KCNN2: variants seen among roughly 807,000 people sequenced by gnomAD.
KCNN2 encodes potassium calcium-activated channel subfamily N member 2, also known as small conductance calcium-activated potassium channel protein 2.
KCNN2 carries 24 observed loss-of-function variants against 55.5 expected under a neutral mutation model. The ratio of observed to expected loss-of-function variants is 0.43; its 90% CI spans 0.31 to 0.61. The LOEUF is 0.61. KCNN2 is among the 20% of genes least tolerant of loss of function. The pLI, the probability that KCNN2 is intolerant of heterozygous loss-of-function variation, is 0.08. For synonymous variants in KCNN2, 431 were observed against 336.1 expected (o/e 1.28, Z -3.09); for missense variants, 754 against 853.6 (o/e 0.88, Z 1.45).
intron 2 of KCNN2, among the ~76,000 whole-genome samples, chr5:114,249,093 A>G (rs559148127): frequency 7.3e-4 from 111 of 152,314 alleles, no homozygotes; most frequent in African/African-American, 2.6e-3. Flanking sequence ...AAGTTTCTGC[A>G]TAAAATAAAA....
At chr5:114,296,118 G>A (rs557340394) in intron 2 of KCNN2, among the ~76,000 whole-genome samples, 36 of 152,286 alleles carry the variant, frequency 2.4e-4, no homozygotes, top group African/African-American at 7.7e-4. Flanking sequence ...AAAGAACCTA[G>A]ATTAAGAGCT....
chr5:114,455,082 G>C (rs1321193750), intron 3 of KCNN2, among the ~76,000 whole-genome samples: 2 of 151,388 alleles, frequency 1.3e-5, no homozygotes, highest in East Asian at 3.9e-4. Flanking sequence ...TTTTCAATGT[G>C]TTACTTCAGT....
chr5:114,435,868 G>C (rs1759986412), intron 3 of KCNN2, among the ~76,000 whole-genome samples: 1 of 152,150 alleles, frequency 6.6e-6, no homozygotes, highest in Non-Finnish European at 1.5e-5. Flanking sequence ...TTATCTTCAA[G>C]AAGGCACAAT....
At chr5:114,085,973 A>C (rs936847142) in intron 1 of KCNN2, among the ~76,000 whole-genome samples, 4 of 152,126 alleles carry the variant, frequency 2.6e-5, no homozygotes, top group Non-Finnish European at 5.9e-5. Context: ...TTTTCAGCAT[A>C]AAATATCAGT....
At chr5:114,216,692 C>T (rs1166925818) in intron 1 of KCNN2, among the ~76,000 whole-genome samples, 1 of 152,038 alleles carries the variant, frequency 6.6e-6, no homozygotes, top group Non-Finnish European at 1.5e-5. Flanking sequence ...TCAAAACTTC[C>T]CCACTAAGAT....
chr5:114,441,812 G>A (rs1266534662), intron 3 of KCNN2, among the ~76,000 whole-genome samples: 1 of 152,052 alleles, frequency 6.6e-6, no homozygotes, highest in African/African-American at 2.4e-5. Context: ...CTTAGTAAAC[G>A]AGGCACTTGA....
chr5:114,307,119 G>GT (rs1431317865), intron 2 of KCNN2, among the ~76,000 whole-genome samples: 1 of 152,138 alleles, frequency 6.6e-6, no homozygotes, highest in Non-Finnish European at 1.5e-5. Context: ...GCAGTTATCT[G>GT]TAAGTGGCTT....
chr5:114,087,751 C>T (rs1258769340), intron 1 of KCNN2, among the ~76,000 whole-genome samples: 1 of 151,786 alleles, frequency 6.6e-6, no homozygotes, highest in Non-Finnish European at 1.5e-5. Flanking sequence ...ATTGTGTCTT[C>T]TCTCTTGGCT....
At chr5:114,452,517 A>G (rs115955893) in intron 3 of KCNN2, among the ~76,000 whole-genome samples, 147 of 152,264 alleles carry the variant, frequency 9.7e-4, no homozygotes, top group African/African-American at 3.4e-3. Flanking sequence ...TGCCTCCAAA[A>G]GTTTCTTTAC....
Position 114,435,780 on chromosome 5 carries a change from G to A in KCNN2, c.1638-27269G>A, listed in dbSNP as rs78446072. ...TAAGTGATAATCATTTTAAATTAAA[G>A]TCTTTTAATTTTATGTTTTTACATG... On this transcript the variant is annotated intron_variant, in intron 3 of 7. Coordinates refer to ENST00000673685, the MANE Select transcript of KCNN2 (RefSeq NM_021614.4). 4.3e-3 allele frequency among the ~76,000 whole-genome samples: 648 copies of A among 152,252 alleles called. 6 individuals carry two copies. Among genetic ancestry groups the A allele is most frequent in the African/African-American group, 0.015 (609 of 41,552 alleles).
Position 114,228,715 on chromosome 5 carries a change from C to T in KCNN2, c.-185+7150C>T, listed in dbSNP as rs552286361. ...TGTATTCATGATTTTCAGATTATGA[C>T]TTCTTCATAATTTTATTAGAAGTTG... On this transcript the variant is annotated intron_variant, in intron 2 of 10. Transcript: ENST00000512097. Among the ~76,000 whole-genome samples, 3 of 152,168 alleles carry T rather than the reference C, an allele frequency of 2.0e-5. No homozygotes were observed. The East Asian group carries it at 5.8e-4, about 29-fold the overall frequency.
At chr5:114,301,644 T>C (rs1156848812) in intron 2 of KCNN2, among the ~76,000 whole-genome samples, 1 of 152,146 alleles carries the variant, frequency 6.6e-6, no homozygotes, top group Non-Finnish European at 1.5e-5. Context: ...GCCAAACTAA[T>C]ATAACTTGCC....
chr5:114,362,723 A>C lies in KCNN2; in HGVS notation c.584A>C (p.Gln195Pro). 6.6e-7 allele frequency: 1 copy of C among 1,515,520 alleles called. No individual in the cohort carries two copies. The highest frequency in any genetic ancestry group is 1.4e-5 in the African/African-American group (1 of 72,632). 93.9% of individuals were successfully genotyped at this position (1,515,520 alleles called of 1,614,324 possible). A position where few individuals can be genotyped will look rare whatever the true frequency, so the allele number is the denominator to read the frequency against. Residue 195 changes from glutamine to proline, a missense_variant, in exon 1 of 8, where the codon CAG (glutamine) becomes CCG (proline). Gln to Pro is a moderately conservative substitution (Grantham distance 76). This residue lies in a region of KCNN2 where 381 missense variants were observed against 259.1 expected (regional missense o/e 1.47). Transcript: ENST00000673685. ...CACCACCCGCACCCGGCGCACCACC[A>C]GCACCACCAGCCCCAGGCGCGCCGC... ...HHHHPHPAHH[Q>P]HHQPQARRES...
intron 6 of KCNN2, among the ~76,000 whole-genome samples, chr5:114,488,787 A>T (rs1180107039): frequency 1.3e-5 from 2 of 152,178 alleles, no homozygotes; most frequent in Admixed American, 1.3e-4. Context: ...ACATTCATAC[A>T]GGAGGTCCAG....
chr5:114,468,809 T>C (rs1253967279), intron 4 of KCNN2, among the ~76,000 whole-genome samples: 2 of 152,202 alleles, frequency 1.3e-5, no homozygotes, highest in Non-Finnish European at 2.9e-5. Flanking sequence ...TGAAGGAATT[T>C]CTCTTTTTCA....
intron 1 of KCNN2, among the ~76,000 whole-genome samples, chr5:114,117,471 T>C (rs1751728810): frequency 6.6e-6 from 1 of 152,218 alleles, no homozygotes; most frequent in South Asian, 2.1e-4. Context: ...CACCAGTGCC[T>C]TGGGCCTCTG....
At chr5:114,494,035 T>A (rs1050689128) in intron 7 of KCNN2, among the ~76,000 whole-genome samples, 4 of 152,152 alleles carry the variant, frequency 2.6e-5, no homozygotes, top group Non-Finnish European at 5.9e-5. Flanking sequence ...ACATTAACAG[T>A]CTCCAAATTA....
At chr5:114,389,860 A>G (rs2150062793) in intron 2 of KCNN2, among the ~76,000 whole-genome samples, 1 of 152,292 alleles carries the variant, frequency 6.6e-6, no homozygotes, top group Non-Finnish European at 1.5e-5. Flanking sequence ...TTAGTGGGTA[A>G]GCATTTTTTT....
chr5:114,243,458 C>T (rs955981832), intron 2 of KCNN2, among the ~76,000 whole-genome samples: 1 of 144,892 alleles, frequency 6.9e-6, no homozygotes, highest in Non-Finnish European at 1.5e-5. Context: ...CCCCATCTTG[C>T]CCCGTACCTG....
Sources: allele counts gnomAD v4.1 joint callset (sites outside exome capture counted in the v4.1 genomes callset), GRCh38; gene constraint gnomAD v4.1.1; regional missense constraint gnomAD v4.1.1; transcripts MANE v1.5; gene names NCBI Gene and HGNC (gene_info 2026-07-23, HGNC 2026-07-21).